NT5DC3: variants seen among roughly 807,000 people sequenced by gnomAD.
NT5DC3 encodes 5'-nucleotidase domain-containing protein 3.
Under a neutral mutation model 67.8 loss-of-function variants are expected in NT5DC3, and 42 were observed. That is an observed-to-expected ratio of 0.62 (90% CI 0.48 to 0.80). The LOEUF is 0.80. Among genes scored for constraint, NT5DC3 ranks in the 30% least tolerant of loss-of-function variants. NT5DC3 has a pLI of 0.00. For synonymous variants in NT5DC3, 237 were observed against 255.6 expected (o/e 0.93, Z 0.69); for missense variants, 570 against 696.4 (o/e 0.82, Z 2.04).
the NT5DC3 span, chr12:103,746,511 CAGAG>C: frequency 3.1e-6 from 4 of 1,279,226 alleles, no homozygotes; most frequent in Non-Finnish European, 4.5e-6. Context: ...AGTGGTCGTC[CAGAG>C]AGAGTCTTGG....
the NT5DC3 span, chr12:103,761,355 C>A: frequency 6.2e-7 from 1 of 1,613,976 alleles, no homozygotes; most frequent in South Asian, 1.1e-5. Context: ...ATCTTTGCCT[C>A]CAATGGGATC....
chr12:103,815,363 T>A (rs1887206728), intron 1 of NT5DC3, among the ~76,000 whole-genome samples: 1 of 152,168 alleles, frequency 6.6e-6, no homozygotes, highest in South Asian at 2.1e-4. Context: ...GACCGCTCAC[T>A]GCTAATGGGC....
chr12:103,831,150 G>A (rs1483663095), intron 1 of NT5DC3, among the ~76,000 whole-genome samples: 10 of 152,116 alleles, frequency 6.6e-5, no homozygotes, highest in Admixed American at 1.3e-4. Flanking sequence ...TGTCAAGGGC[G>A]GGAGCAGGTA....
chr12:103,761,352 C>A, the NT5DC3 span: 1 of 1,614,068 alleles, frequency 6.2e-7, no homozygotes, highest in Non-Finnish European at 8.5e-7. Context: ...GACATCTTTG[C>A]CTCCAATGGG....
intron 1 of NT5DC3, among the ~76,000 whole-genome samples, chr12:103,818,745 G>C (rs959334039): frequency 2.6e-5 from 4 of 152,154 alleles, no homozygotes; most frequent in African/African-American, 9.7e-5. Context: ...AAGAAACTTA[G>C]AGTCAGGTAG....
In NT5DC3 at chr12:103,777,647, G is replaced by T; in HGVS notation, c.*182C>A. The T allele has an allele frequency of 1.5e-6, 1 of 674,644 alleles. No homozygotes were observed. Among genetic ancestry groups the T allele is most frequent in the Non-Finnish European group, 2.4e-6 (1 of 412,272 alleles). 41.8% of individuals were successfully genotyped at this position (674,644 alleles called of 1,614,324 possible). A position where few individuals can be genotyped will look rare whatever the true frequency, so the allele number is the denominator to read the frequency against. ...TCAGCCCTGCATGGGGGGAAAGGCTGGAGGGGTGGGCTGCTAGCTCCTGTC... is the reference window on the plus strand; with the variant it reads ...TCAGCCCTGCATGGGGGGAAAGGCTTGAGGGGTGGGCTGCTAGCTCCTGTC... On this transcript the variant is annotated 3_prime_UTR_variant, in exon 14 of 14. Transcript: ENST00000392876.
chr12:103,811,830 C>A (rs545571424), intron 2 of NT5DC3, among the ~76,000 whole-genome samples: 1 of 151,998 alleles, frequency 6.6e-6, no homozygotes, highest in Non-Finnish European at 1.5e-5. Context: ...GCAACCTTTC[C>A]GTAAGCCTAA....
chr12:103,825,220 A>G (rs1448720759), intron 1 of NT5DC3, among the ~76,000 whole-genome samples: 5 of 152,174 alleles, frequency 3.3e-5, no homozygotes, highest in Non-Finnish European at 7.4e-5. Flanking sequence ...TCATCTGACT[A>G]ACTAATAATG....
the NT5DC3 span, chr12:103,750,614 C>T: frequency 4.8e-5 from 77 of 1,614,216 alleles, no homozygotes; most frequent in Non-Finnish European, 5.8e-5. Context: ...GTCACTATGT[C>T]GGAGATGGGC....
At chr12:103,756,998 TA>T in the NT5DC3 span, among the ~76,000 whole-genome samples, 1 of 14,506 alleles carries the variant, frequency 6.9e-5, no homozygotes, top group East Asian at 1.6e-3. Context: ...GGAGGGAAAA[TA>T]TATATATATA....
At chr12:103,796,819 G>A in intron 6 of NT5DC3, 75 bp downstream of exon 6, 1 of 1,499,930 alleles carries the variant, frequency 6.7e-7, no homozygotes, top group Non-Finnish European at 9.2e-7. Flanking sequence ...CTAGAAAGGA[G>A]GTTCAAGACT....
chr12:103,787,612 T>A (rs1034819630), intron 10 of NT5DC3, 85 bp from the exon 11 acceptor site: 1 of 541,578 alleles, frequency 1.8e-6, no homozygotes, highest in African/African-American at 1.9e-5. Context: ...CTTTTAAAAA[T>A]TGTTGTTTTT....
At chr12:103,820,600 A>G (rs1313782944) in intron 1 of NT5DC3, among the ~76,000 whole-genome samples, 1 of 152,214 alleles carries the variant, frequency 6.6e-6, no homozygotes, top group Non-Finnish European at 1.5e-5. Flanking sequence ...GTACAGGCCT[A>G]GAGCTTGGCA....
At chr12:103,789,042 C>A in intron 9 of NT5DC3, 123 bp from the exon 10 acceptor site, 1 of 696,002 alleles carries the variant, frequency 1.4e-6, no homozygotes, top group South Asian at 1.7e-5. Context: ...AACCCGAAAC[C>A]AAAACTCCAC....
chr12:103,766,148 CACAA>C (rs762903035), downstream of NT5DC3: 73 of 1,183,316 alleles, frequency 6.2e-5, 1 homozygote, highest in Admixed American at 6.3e-4. Flanking sequence ...AAGGCAGCAG[CACAA>C]ACAAACACGC....
chr12:103,753,146 C>T, the NT5DC3 span: 2 of 1,580,620 alleles, frequency 1.3e-6, no homozygotes, highest in Admixed American at 1.7e-5. Context: ...TTTGAAAGTC[C>T]TTCAGAGTCC....
chr12:103,765,425 C>CTAT, the NT5DC3 span, among the ~76,000 whole-genome samples: 1 of 152,232 alleles, frequency 6.6e-6, no homozygotes, highest in Non-Finnish European at 1.5e-5. Context: ...GCCTTTGACA[C>CTAT]TATTTTTAGT....
At chr12:103,782,278 GA>G (rs1885587284) in intron 12 of NT5DC3, among the ~76,000 whole-genome samples, 1 of 152,128 alleles carries the variant, frequency 6.6e-6, no homozygotes. Context: ...GTAGGCATGA[GA>G]ATCACTTGAG....
chr12:103,806,493 C>T (rs1438082854), intron 3 of NT5DC3, 116 bp from the exon 4 acceptor site: 5 of 736,904 alleles, frequency 6.8e-6, no homozygotes, highest in Non-Finnish European at 1.2e-5. Flanking sequence ...AACAAGGAAG[C>T]ACACTGTATA....
Sources: allele counts gnomAD v4.1 joint callset (sites outside exome capture counted in the v4.1 genomes callset), GRCh38; gene constraint gnomAD v4.1.1; transcripts MANE v1.5; gene names NCBI Gene and HGNC (gene_info 2026-07-23, HGNC 2026-07-21).